CTIF: variants seen among roughly 807,000 people sequenced by gnomAD.
CTIF encodes the protein CBP80/20-dependent translation initiation factor.
A neutral mutation model predicts 66.0 loss-of-function variants in CTIF; 21 were observed. That is an observed-to-expected ratio of 0.32 (90% CI 0.23 to 0.46). The LOEUF is 0.46. Ranked by LOEUF, CTIF falls within the 20% of genes least tolerant of loss-of-function variation. The pLI is 1.00. For missense variants in CTIF, 739 were observed against 812.7 expected, an observed-to-expected ratio of 0.91 and a Z score of 1.10; for synonymous variants, 345 against 326.4, an observed-to-expected ratio of 1.06 and a Z score of -0.62.
chr18:48,629,018 C>T (rs2090652722), intron 2 of CTIF, among the ~76,000 whole-genome samples: 1 of 152,232 alleles, frequency 6.6e-6, no homozygotes, highest in Non-Finnish European at 1.5e-5. Context: ...GTTGGGTCTT[C>T]AGGCTAGCAG....
At chr18:48,801,136 C>T (rs1298994242) in intron 9 of CTIF, among the ~76,000 whole-genome samples, 1 of 152,190 alleles carries the variant, frequency 6.6e-6, no homozygotes, top group East Asian at 1.9e-4. Context: ...GAACAGACCT[C>T]ACTGAGTCCA....
intron 9 of CTIF, among the ~76,000 whole-genome samples, chr18:48,797,492 A>G (rs1240433731): frequency 3.7e-4 from 48 of 129,864 alleles, no homozygotes; most frequent in East Asian, 7.7e-4. Context: ...AAAAAAGAAA[A>G]GGGGTGGGGG....
intron 8 of CTIF, chr18:48,760,531 A>G (rs1908879422): frequency 6.6e-6 from 1 of 152,076 alleles, no homozygotes; most frequent in African/African-American, 2.4e-5. Context: ...CAGAGCTTCT[A>G]TTGTCAGGGA....
At chr18:48,602,808 C>T (rs555132540) in intron 1 of CTIF, among the ~76,000 whole-genome samples, 193 of 147,070 alleles carry the variant, frequency 1.3e-3, no homozygotes, top group African/African-American at 2.8e-3. Context: ...GGTGGGTGAA[C>T]GAATGGATGA....
At chr18:48,675,566 A>G (rs2091614603) in intron 6 of CTIF, among the ~76,000 whole-genome samples, 1 of 152,098 alleles carries the variant, frequency 6.6e-6, no homozygotes, top group South Asian at 2.1e-4. Flanking sequence ...AAATGACCCC[A>G]CTCAATGCCC....
At chr18:48,544,082 C>A (rs114402916) in intron 1 of CTIF, among the ~76,000 whole-genome samples, 259 of 152,290 alleles carry the variant, frequency 1.7e-3, no homozygotes, top group African/African-American at 6.0e-3. Context: ...TGCGTGTGTA[C>A]TTTTCTAGGA....
At chr18:48,762,814 G>A (rs756365520) in intron 9 of CTIF, among the ~76,000 whole-genome samples, 7 of 152,230 alleles carry the variant, frequency 4.6e-5, no homozygotes, top group African/African-American at 9.6e-5. Context: ...GCAGTCTGCC[G>A]TCTTCCCTAA....
intron 10 of CTIF, among the ~76,000 whole-genome samples, chr18:48,820,808 G>A (rs981394391): frequency 1.3e-5 from 2 of 152,210 alleles, no homozygotes; most frequent in Non-Finnish European, 2.9e-5. Flanking sequence ...CTGAGTGAAG[G>A]GTCTTGCTGA....
At chr18:48,663,973 G>T (rs769981777) in intron 4 of CTIF, 148 bp downstream of exon 4, 2 of 768,358 alleles carry the variant, frequency 2.6e-6, no homozygotes, top group South Asian at 3.2e-5. Flanking sequence ...TGGAAAGAAG[G>T]CCGGAGAGAG....
At chr18:48,697,328 TA>T (rs1329487509) in intron 6 of CTIF, among the ~76,000 whole-genome samples, 2 of 152,252 alleles carry the variant, frequency 1.3e-5, no homozygotes, top group African/African-American at 4.8e-5. Context: ...TTTAAGTAAC[TA>T]TCTAGACCAT....
intron 1 of CTIF, among the ~76,000 whole-genome samples, chr18:48,618,663 G>A (rs546057442): frequency 2.0e-5 from 3 of 152,262 alleles, no homozygotes; most frequent in African/African-American, 7.2e-5. Flanking sequence ...GGGCGGTGGC[G>A]GTGAGGTCCC....
intron 10 of CTIF, among the ~76,000 whole-genome samples, chr18:48,852,384 G>A (rs2069225437): frequency 6.6e-6 from 1 of 151,886 alleles, no homozygotes; most frequent in Non-Finnish European, 1.5e-5. Flanking sequence ...ACCCTCCCAG[G>A]CCCTGAACCA....
intron 9 of CTIF, among the ~76,000 whole-genome samples, chr18:48,808,515 C>CG (rs1568235957): frequency 8.0e-6 from 1 of 124,682 alleles, no homozygotes; most frequent in Admixed American, 7.6e-5. Context: ...AATTTTTGGT[C>CG]CTTTTTTTTT....
At chr18:48,575,034 C>T (rs1210731719) in intron 1 of CTIF, among the ~76,000 whole-genome samples, 1 of 152,198 alleles carries the variant, frequency 6.6e-6, no homozygotes, top group Non-Finnish European at 1.5e-5. Context: ...CAGAATTTTG[C>T]TCCTTGGAGC....
At chr18:48,710,145 T>TG (rs2092207900) in intron 6 of CTIF, among the ~76,000 whole-genome samples, 1 of 152,226 alleles carries the variant, frequency 6.6e-6, no homozygotes, top group Non-Finnish European at 1.5e-5. Flanking sequence ...CCCTCCTTTA[T>TG]GGAACCTGAA....
rs1454534297 is a variant in CTIF, at chr18:48,711,595, C to T, written c.508-24C>T. ...TCTCTTTCAGGAGTTACTAATGATC[C>T]CCCTTCCTCCCCCCATGACACAGGG... On this transcript the variant is annotated intron_variant, in intron 6 of 11. Coordinates refer to ENST00000256413, the MANE Select transcript of CTIF (RefSeq NM_014772.3). 4 of 1,601,020 alleles carry T rather than the reference C, an allele frequency of 2.5e-6. No individual in the cohort carries two copies. The Admixed American group carries it at 5.0e-5, about 20-fold the overall frequency.
At chr18:48,695,458 C>CT (rs1055101613) in intron 6 of CTIF, among the ~76,000 whole-genome samples, 2 of 152,178 alleles carry the variant, frequency 1.3e-5, no homozygotes, top group African/African-American at 4.8e-5. Flanking sequence ...GACTGATGCT[C>CT]TTATGAGCAT....
chr18:48,575,154 G>A (rs1048012052), intron 1 of CTIF, among the ~76,000 whole-genome samples: 3 of 152,238 alleles, frequency 2.0e-5, no homozygotes, highest in Admixed American at 6.5e-5. Flanking sequence ...CAAGCAGGCC[G>A]CCGTCAGGTC....
In CTIF at chr18:48,861,177, C is replaced by G. The variant is rs2069459663; in HGVS notation, c.*1618C>G. The G allele has an allele frequency of 6.6e-6, 1 of 152,280 alleles. No homozygotes were observed. Among genetic ancestry groups the G allele is most frequent in the Admixed American group, 6.5e-5 (1 of 15,284 alleles). The allele number at this position is 152,280 out of a possible 1,614,324, so 9.4% of individuals were successfully genotyped here. ...TGGGGAGAGGCTTCCCCAGTTCTCTCCAGCTTTCCCTGCAGCTGCAACCTG... is the reference window on the plus strand; with the variant it reads ...TGGGGAGAGGCTTCCCCAGTTCTCTGCAGCTTTCCCTGCAGCTGCAACCTG... On this transcript the variant is annotated 3_prime_UTR_variant, in exon 12 of 12. Coordinates refer to ENST00000256413, the MANE Select transcript of CTIF (RefSeq NM_014772.3).
Sources: gnomAD v4.1 joint callset for allele counts (sites outside exome capture counted in the v4.1 genomes callset) on GRCh38, gnomAD v4.1.1 for gene constraint, MANE v1.5 for transcripts, NCBI Gene and HGNC (gene_info 2026-07-23, HGNC 2026-07-21) for gene names.